GLIS3: variants seen among roughly 807,000 people sequenced by gnomAD.
GLIS3 encodes GLIS family zinc finger 3.
GLIS3 carries 53 observed loss-of-function variants against 78.6 expected under a neutral mutation model. That is an observed-to-expected ratio of 0.67 (90% CI 0.54 to 0.85). The LOEUF (loss-of-function observed/expected upper bound fraction) is 0.85. Among genes scored for constraint, GLIS3 ranks in the 40% least tolerant of loss-of-function variants. The probability of loss-of-function intolerance (pLI) is 0.00; values close to 1 mark genes in which losing one functional copy is unlikely to be tolerated. For synonymous variants in GLIS3, 684 were observed against 509.9 expected (o/e 1.34, Z -4.60); for missense variants, 1,703 against 1,231.1 (o/e 1.38, Z -5.74).
chr9:4,044,358 C>A (rs187042732), intron 4 of GLIS3, among the ~76,000 whole-genome samples: 1 of 152,158 alleles, frequency 6.6e-6, no homozygotes, highest in Non-Finnish European at 1.5e-5. Context: ...AATCTCCCAA[C>A]GCCCCTTAGC....
intron 1 of GLIS3, among the ~76,000 whole-genome samples, chr9:4,288,662 T>C (rs1368564282): frequency 6.6e-6 from 1 of 152,356 alleles, no homozygotes; most frequent in East Asian, 1.9e-4. Context: ...CACATCTGCC[T>C]GTCTTGGAAT....
intron 2 of GLIS3, among the ~76,000 whole-genome samples, chr9:4,237,204 A>C (rs1444676944): frequency 6.8e-6 from 1 of 147,182 alleles, no homozygotes; most frequent in Admixed American, 6.8e-5. Flanking sequence ...TTTAGAATAC[A>C]GAAAATATCC....
chr9:4,344,789 T>C (rs1180039715), intron 2 of GLIS3, among the ~76,000 whole-genome samples: 3 of 152,214 alleles, frequency 2.0e-5, no homozygotes, highest in Admixed American at 1.3e-4. Flanking sequence ...CTGCAGGAAG[T>C]AGCACTTCTA....
chr9:4,004,186 G>A (rs1821351488), intron 4 of GLIS3, among the ~76,000 whole-genome samples: 1 of 152,104 alleles, frequency 6.6e-6, no homozygotes, highest in African/African-American at 2.4e-5. Flanking sequence ...TTCTTTTGGA[G>A]GAACAAGGGA....
Position 3,931,713 on chromosome 9 carries a change from AG to A in GLIS3, c.1983+646del, listed in dbSNP as rs371466864. Among the ~76,000 whole-genome samples the A allele has an allele frequency of 3.8e-3, 576 of 152,350 alleles. 3 individuals carry two copies. Among genetic ancestry groups the A allele is most frequent in the African/African-American group, 0.013 (538 of 41,582 alleles). ...AGTTAGGAGAGCAAGCCAGGTGGAC[AG>A]GATGGTTGGTCTCTAACATTTCTTC... On this transcript the variant is annotated intron_variant, in intron 6 of 10. Coordinates refer to ENST00000381971, the MANE Select transcript of GLIS3 (RefSeq NM_001042413.2).
rs1818925770 is a variant in GLIS3, at chr9:3,977,974, T to A, written c.1711-40785A>T. On this transcript the variant is annotated intron_variant, in intron 4 of 10. Transcript: ENST00000381971. This position sits in a 1 kb window ranked among gnomAD's most constrained non-coding sequence, Gnocchi z 4.1. ...CGAAAGGCCAGTTGACACCGCTGGG[T>A]GCACCCTCCGCTGCTCCAAACCTGA... is the stretch of plus-strand genomic sequence containing the variant. Among the ~76,000 whole-genome samples, 1 of 152,230 alleles carries A rather than the reference T, an allele frequency of 6.6e-6. No homozygotes were observed. Among genetic ancestry groups the A allele is most frequent in the Non-Finnish European group, 1.5e-5 (1 of 68,048 alleles).
chr9:4,147,033 G>T (rs1834274681), intron 2 of GLIS3, among the ~76,000 whole-genome samples: 1 of 151,936 alleles, frequency 6.6e-6, no homozygotes, highest in African/African-American at 2.4e-5. Flanking sequence ...TAATTTTCTA[G>T]CCACCCTGAC....
chr9:4,324,967 T>A (rs1294464093), intron 2 of GLIS3, among the ~76,000 whole-genome samples: 1 of 152,236 alleles, frequency 6.6e-6, no homozygotes, highest in African/African-American at 2.4e-5. Flanking sequence ...TGCTAGGTAA[T>A]ATGTCAAATA....
chr9:4,280,142 C>A (rs1437042392), intron 2 of GLIS3, among the ~76,000 whole-genome samples: 1 of 152,190 alleles, frequency 6.6e-6, no homozygotes, highest in Admixed American at 6.5e-5. Context: ...ACCTCGGCCT[C>A]CCGCATAGCT....
chr9:4,321,332 G>A (rs71490228), intron 2 of GLIS3, among the ~76,000 whole-genome samples: 1 of 126,982 alleles, frequency 7.9e-6, no homozygotes, highest in African/African-American at 4.0e-5. Context: ...TGAGGCAGGA[G>A]AATGGCGTGA....
At chr9:4,406,839 G>C in the GLIS3 span, among the ~76,000 whole-genome samples, 1 of 152,136 alleles carries the variant, frequency 6.6e-6, no homozygotes, top group Non-Finnish European at 1.5e-5. Flanking sequence ...TTCATGGATT[G>C]GAAGAATACT....
intron 2 of GLIS3, among the ~76,000 whole-genome samples, chr9:4,130,850 A>G (rs2130934860): frequency 6.6e-6 from 1 of 152,324 alleles, no homozygotes; most frequent in South Asian, 2.1e-4. Context: ...CCAAAATGGT[A>G]GGTGCACTGT....
intron 2 of GLIS3, among the ~76,000 whole-genome samples, chr9:4,151,607 G>A (rs1033807657): frequency 1.3e-5 from 2 of 152,142 alleles, no homozygotes; most frequent in African/African-American, 2.4e-5. Flanking sequence ...CAAAATAACT[G>A]CAGAACAATT....
chr9:4,411,334 C>CACGACCTCCCAACTGTAAAAAGAAAT, the GLIS3 span, among the ~76,000 whole-genome samples: 3 of 152,280 alleles, frequency 2.0e-5, no homozygotes, highest in South Asian at 6.2e-4. Context: ...CATTAGTCCA[C>CACGACCTCCCAACTGTAAAAAGAAAT]ACGACCTCCC....
chr9:4,150,675 T>A (rs1229228689), intron 2 of GLIS3, among the ~76,000 whole-genome samples: 1 of 152,212 alleles, frequency 6.6e-6, no homozygotes, highest in Admixed American at 6.5e-5. Flanking sequence ...AAAAGATGTA[T>A]CTCTGCCCCC....
intron 7 of GLIS3, among the ~76,000 whole-genome samples, chr9:3,887,817 C>G (rs1475524397): frequency 2.0e-5 from 3 of 152,170 alleles, no homozygotes; most frequent in Non-Finnish European, 2.9e-5. Context: ...CATTTCAGAA[C>G]AAAGACATTT....
At chr9:4,129,816 G>C (rs1406202367) in intron 2 of GLIS3, among the ~76,000 whole-genome samples, 2 of 152,196 alleles carry the variant, frequency 1.3e-5, no homozygotes, top group Non-Finnish European at 2.9e-5. Context: ...ATTGGGTATG[G>C]ACAGAAGTTG....
the GLIS3 span, among the ~76,000 whole-genome samples, chr9:4,461,849 TTTG>T: frequency 2.0e-5 from 3 of 152,014 alleles, no homozygotes; most frequent in South Asian, 2.1e-4. Context: ...GAGATAAAAG[TTTG>T]TTGTCGTCAA....
intron 9 of GLIS3, among the ~76,000 whole-genome samples, chr9:3,834,139 GC>G (rs1387773725): frequency 6.6e-6 from 1 of 152,044 alleles, no homozygotes; most frequent in African/African-American, 2.4e-5. Flanking sequence ...TTCTTAGAAG[GC>G]TTTTTCTTTT....
Sources: allele counts gnomAD v4.1 joint callset (sites outside exome capture counted in the v4.1 genomes callset), GRCh38; gene constraint gnomAD v4.1.1; non-coding constraint Gnocchi (gnomAD v3.1); transcripts MANE v1.5; gene names NCBI Gene and HGNC (gene_info 2026-07-23, HGNC 2026-07-21).